Variants in PARD3B observed in about 807,000 individuals in gnomAD.
The protein encoded by PARD3B is par-3 family cell polarity regulator beta, also known as partitioning defective 3 homolog B.
In PARD3B, 103 loss-of-function variants were observed where a neutral mutation model predicts 130.2. That is an observed-to-expected ratio of 0.79 (90% CI 0.67 to 0.93). PARD3B has a LOEUF of 0.93. Among genes scored for constraint, PARD3B ranks in the 40% least tolerant of loss-of-function variants. The pLI, the probability that PARD3B is intolerant of heterozygous loss-of-function variation, is 0.00. For synonymous variants in PARD3B, 583 were observed against 553.2 expected (o/e 1.05, Z -0.76); for missense variants, 1,609 against 1,499.2 (o/e 1.07, Z -1.21).
intron 16 of PARD3B, among the ~76,000 whole-genome samples, chr2:205,250,633 A>C (rs1450610344): frequency 1.3e-5 from 2 of 152,156 alleles, no homozygotes; most frequent in Non-Finnish European, 1.5e-5. Flanking sequence ...CAGGTAATTT[A>C]AATACTTGAT....
intron 20 of PARD3B, among the ~76,000 whole-genome samples, chr2:205,497,570 G>A (rs1430015338): frequency 6.6e-6 from 1 of 151,750 alleles, no homozygotes; most frequent in African/African-American, 2.4e-5. Flanking sequence ...AATATTTGGG[G>A]TTCTTTTTGA....
chr2:205,042,368 T>C (rs931987301), intron 3 of PARD3B, among the ~76,000 whole-genome samples: 43 of 152,190 alleles, frequency 2.8e-4, no homozygotes, highest in Non-Finnish European at 4.9e-4. Flanking sequence ...TGTTAAAACC[T>C]GACAAATCTT....
intron 2 of PARD3B, among the ~76,000 whole-genome samples, chr2:204,920,446 C>A (rs1173018398): frequency 6.6e-6 from 1 of 152,170 alleles, no homozygotes; most frequent in Non-Finnish European, 1.5e-5. Flanking sequence ...AGTACACAAC[C>A]ATGGCCTTAT....
Position 204,819,765 on chromosome 2 carries a change from TG to T in PARD3B, c.222+133485del, listed in dbSNP as rs2043272037. On this transcript the variant is annotated intron_variant, in intron 2 of 22. Transcript: ENST00000406610. The stretch of plus-strand genomic sequence containing the variant: ...TGAAAGGCAAGCAAAACAGCCTCAT[TG>T]GTGATATGGAGAAGGTTGAGTAGTC... Among the ~76,000 whole-genome samples, 4 of 152,168 alleles carry T rather than the reference TG, an allele frequency of 2.6e-5. No homozygotes were observed. The South Asian group carries it at 8.3e-4, about 31-fold the overall frequency.
At chr2:205,022,530 A>G (rs750800295) in intron 3 of PARD3B, among the ~76,000 whole-genome samples, 6 of 152,158 alleles carry the variant, frequency 3.9e-5, no homozygotes, top group Non-Finnish European at 8.8e-5. Context: ...TGTTTAGCAA[A>G]TAATTTGTCT....
chr2:205,099,805 A>G (rs1181994613), intron 4 of PARD3B, among the ~76,000 whole-genome samples: 1 of 152,188 alleles, frequency 6.6e-6, no homozygotes, highest in Non-Finnish European at 1.5e-5. Context: ...CAAGTGATAA[A>G]CACTGCTCAT....
chr2:204,892,694 A>C (rs2046494056), intron 2 of PARD3B, among the ~76,000 whole-genome samples: 1 of 152,178 alleles, frequency 6.6e-6, no homozygotes, highest in Non-Finnish European at 1.5e-5. Context: ...ATGTGGTCAG[A>C]TTCTGGGTGT....
intron 2 of PARD3B, among the ~76,000 whole-genome samples, chr2:204,854,090 G>A (rs948404615): frequency 6.6e-6 from 1 of 152,094 alleles, no homozygotes; most frequent in Non-Finnish European, 1.5e-5. Context: ...AGCTTGGAGA[G>A]TTCAAAACAC....
At chr2:205,127,483 G>A (rs1332728603) in intron 10 of PARD3B, among the ~76,000 whole-genome samples, 1 of 152,174 alleles carries the variant, frequency 6.6e-6, no homozygotes, top group Admixed American at 6.5e-5. Context: ...GTAAGGATTA[G>A]TTGACAGAAC....
At chr2:205,009,540 G>A (rs988935519) in intron 3 of PARD3B, among the ~76,000 whole-genome samples, 4 of 151,786 alleles carry the variant, frequency 2.6e-5, no homozygotes, top group Non-Finnish European at 5.9e-5. Context: ...GCATGGTGGC[G>A]GGCGCCTGTA....
chr2:205,035,755 A>G (rs1352332417), intron 3 of PARD3B, among the ~76,000 whole-genome samples: 1 of 146,162 alleles, frequency 6.8e-6, no homozygotes, highest in African/African-American at 2.5e-5. Flanking sequence ...CTATGTATAT[A>G]AATAATCCAC....
chr2:204,555,138 G>A (rs2030831201), intron 1 of PARD3B, among the ~76,000 whole-genome samples: 1 of 152,158 alleles, frequency 6.6e-6, no homozygotes, highest in African/African-American at 2.4e-5. Flanking sequence ...TCACTGCTGG[G>A]GGAATTAAGC....
At chr2:205,518,894 G>T (rs1483835617) in intron 21 of PARD3B, among the ~76,000 whole-genome samples, 1 of 152,098 alleles carries the variant, frequency 6.6e-6, no homozygotes, top group East Asian at 1.9e-4. Flanking sequence ...TTTTCTTTCA[G>T]ACACTTGAAT....
intron 20 of PARD3B, among the ~76,000 whole-genome samples, chr2:205,454,746 C>A (rs369399472): frequency 1.3e-5 from 2 of 152,114 alleles, no homozygotes; most frequent in East Asian, 3.9e-4. Flanking sequence ...TAGAGGAAAA[C>A]CTGACAGGAT....
At chr2:205,554,513 G>C (rs1427191553) in intron 22 of PARD3B, among the ~76,000 whole-genome samples, 2 of 152,132 alleles carry the variant, frequency 1.3e-5, no homozygotes, top group African/African-American at 2.4e-5. Flanking sequence ...CTTTTATAAA[G>C]TTATATTTTA....
At chr2:204,844,617 A>G (rs1047903030) in intron 2 of PARD3B, among the ~76,000 whole-genome samples, 5 of 152,136 alleles carry the variant, frequency 3.3e-5, no homozygotes, top group African/African-American at 4.8e-5. Flanking sequence ...ATATTTTTAC[A>G]TCGAAGATGA....
Position 205,125,566 on chromosome 2 carries a change from C to T in PARD3B, c.1306-43C>T, listed in dbSNP as rs779772788. On this transcript the variant is annotated intron_variant, in intron 9 of 22. Coordinates refer to ENST00000406610, the MANE Select transcript of PARD3B (RefSeq NM_001302769.2). The surrounding 1 kb of genome is among the most constrained non-coding windows in gnomAD (Gnocchi z 4.0). Reference sequence around the variant, plus strand: ...AACTATCTAGTGTAGAAGGAGATAACAAGTATTGTGATTGTGGCTGTTCAT... The same window carrying T: ...AACTATCTAGTGTAGAAGGAGATAATAAGTATTGTGATTGTGGCTGTTCAT... 6.2e-7 allele frequency: 1 copy of T among 1,600,822 alleles called. No homozygotes were observed. Among genetic ancestry groups the T allele is most frequent in the African/African-American group, 1.3e-5 (1 of 74,558 alleles).
chr2:205,206,338 G>T (rs1235774685), intron 15 of PARD3B, among the ~76,000 whole-genome samples: 5 of 150,498 alleles, frequency 3.3e-5, no homozygotes, highest in Non-Finnish European at 7.4e-5. Flanking sequence ...CTAGCATTAG[G>T]TATATCTCCC....
intron 2 of PARD3B, among the ~76,000 whole-genome samples, chr2:204,947,275 T>G (rs559581470): frequency 3.3e-5 from 5 of 152,252 alleles, no homozygotes; most frequent in African/African-American, 1.2e-4. Context: ...CAAATGATAA[T>G]GAATTTACAG....
Sources: allele counts gnomAD v4.1 joint callset (sites outside exome capture counted in the v4.1 genomes callset), GRCh38; gene constraint gnomAD v4.1.1; non-coding constraint Gnocchi (gnomAD v3.1); transcripts MANE v1.5; gene names NCBI Gene and HGNC (gene_info 2026-07-23, HGNC 2026-07-21).